The following RLF variants were observed in gnomAD, a reference collection of about 807,000 sequenced individuals.
The protein encoded by RLF is zinc finger protein Rlf.
RLF carries 7 observed loss-of-function variants against 162.9 expected under a neutral mutation model. The observed-to-expected ratio is 0.04, with a 90% CI of 0.02 to 0.08. The LOEUF is 0.08. Among genes scored for constraint, RLF ranks in the 10% least tolerant of loss-of-function variants. The pLI is 1.00. For missense variants in RLF, 1,664 were observed against 2,244.7 expected (o/e 0.74, Z 5.23); for synonymous variants, 782 against 791.5 (o/e 0.99, Z 0.20).
chr1:40,177,689 T>C (rs2124528670), intron 1 of RLF, among the ~76,000 whole-genome samples: 1 of 152,290 alleles, frequency 6.6e-6, no homozygotes, highest in Middle Eastern at 3.4e-3. Flanking sequence ...CACAGAGATG[T>C]TCTGCTATTT....
intron 5 of RLF, among the ~76,000 whole-genome samples, chr1:40,219,031 A>C (rs1044906769): frequency 2.0e-5 from 3 of 152,188 alleles, no homozygotes; most frequent in African/African-American, 7.2e-5. Flanking sequence ...AAAACTCTCA[A>C]AAGTTTGTTG....
chr1:40,198,583 G>A (rs1402114366), intron 4 of RLF, among the ~76,000 whole-genome samples: 2 of 152,196 alleles, frequency 1.3e-5, no homozygotes, highest in Non-Finnish European at 2.9e-5. Flanking sequence ...TTACAGGCGT[G>A]CACCACTGTG....
chr1:40,164,022 G>A (rs61502285), intron 1 of RLF, among the ~76,000 whole-genome samples: 9,084 of 152,216 alleles, frequency 0.06, 349 homozygotes, highest in South Asian at 0.12. Flanking sequence ...TTGAAAAGAA[G>A]AATAAGATAT....
chr1:40,237,973 A>G lies in RLF; in HGVS notation c.3271A>G (p.Ser1091Gly). The G allele has an allele frequency of 6.2e-7, 1 of 1,614,140 alleles. No individual in the cohort carries two copies. The highest frequency in any genetic ancestry group is 8.5e-7 in the Non-Finnish European group (1 of 1,180,004). Reference sequence around the variant, plus strand: ...AGGGTCATTGCAGGGGTACCCATCCAGTGGTGCTAAGTCTCTTCAGTCAGT... The same window carrying G: ...AGGGTCATTGCAGGGGTACCCATCCGGTGGTGCTAAGTCTCTTCAGTCAGT... ...FSGSLQGYPS[S>G]GAKSLQSVSS... Residue 1091 changes from serine to glycine, a missense_variant, in exon 8 of 8, where the codon AGT becomes GGT. Transcript: ENST00000372771. This position sits in a 1 kb window ranked among gnomAD's most constrained non-coding sequence, Gnocchi z 4.4.
chr1:40,210,209 G>C (rs1322989931), intron 5 of RLF, among the ~76,000 whole-genome samples: 1 of 152,308 alleles, frequency 6.6e-6, no homozygotes, highest in East Asian at 1.9e-4. Flanking sequence ...GGCAAATACA[G>C]CAAACTGTAT....
chr1:40,222,742 G>T lies in RLF; in HGVS notation c.947+32G>T, dbSNP rs767021882. The T allele has an allele frequency of 1.9e-6, 3 of 1,579,750 alleles. No homozygotes were observed. The African/African-American group carries it at 4.0e-5, about 21-fold the overall frequency. On this transcript the variant is annotated intron_variant, in intron 6 of 7. Coordinates refer to ENST00000372771, the MANE Select transcript of RLF (RefSeq NM_012421.4). ...ATATTTAGTTTTACACTCTTTATTT[G>T]TTAGTACATAGTATAGCATTTAGGG...
chr1:40,176,853 G>C (rs965387165), intron 1 of RLF, among the ~76,000 whole-genome samples: 9 of 152,120 alleles, frequency 5.9e-5, no homozygotes, highest in Non-Finnish European at 8.8e-5. Flanking sequence ...TCTTATTGTT[G>C]AATTTTGAGA....
chr1:40,166,560 T>G (rs1306587503), intron 1 of RLF, among the ~76,000 whole-genome samples: 1 of 151,952 alleles, frequency 6.6e-6, no homozygotes, highest in Non-Finnish European at 1.5e-5. Context: ...CACACGTATG[T>G]TTATTGCAGC....
intron 4 of RLF, among the ~76,000 whole-genome samples, chr1:40,200,937 C>CACA (rs1642706735): frequency 9.0e-6 from 1 of 111,446 alleles, no homozygotes; most frequent in African/African-American, 3.9e-5. Flanking sequence ...CACACACACA[C>CACA]ACTGGTTTAT....
chr1:40,172,707 A>G (rs1297398758), intron 1 of RLF, among the ~76,000 whole-genome samples: 2 of 152,202 alleles, frequency 1.3e-5, no homozygotes, highest in Non-Finnish European at 2.9e-5. Context: ...CAGAGGTTAC[A>G]GTGAGCTGAG....
chr1:40,228,632 A>G (rs371420965), intron 6 of RLF, among the ~76,000 whole-genome samples: 2 of 151,880 alleles, frequency 1.3e-5, no homozygotes, highest in South Asian at 2.1e-4. Context: ...CCTGCCTTTT[A>G]CCACTTTAAT....
intron 5 of RLF, among the ~76,000 whole-genome samples, chr1:40,205,377 T>G (rs961618516): frequency 6.6e-6 from 1 of 152,048 alleles, no homozygotes; most frequent in African/African-American, 2.4e-5. Context: ...ATAACGCTGC[T>G]TTAGATCCTG....
chr1:40,165,972 A>C (rs1271532858), intron 1 of RLF, among the ~76,000 whole-genome samples: 2 of 151,854 alleles, frequency 1.3e-5, no homozygotes, highest in African/African-American at 4.8e-5. Context: ...CCATCTACCT[A>C]TTTATCCTTT....
In RLF at chr1:40,161,558, G is replaced by A. The variant is rs1331077392; in HGVS notation, c.159G>A (p.Leu53=). Residue 53 remains leucine (L), a synonymous_variant, in exon 1 of 8, where the codon CTG becomes CTA. Transcript: ENST00000372771. The surrounding 1 kb of genome is among the most constrained non-coding windows in gnomAD (Gnocchi z 4.4). ...APGASGLRPC[L]WQLETELREQ... ...GAGCCTCGGGACTGCGGCCGTGTCT[G>A]TGGCAGCTGGAGACAGAGCTGAGGG... 3.7e-6 allele frequency: 6 copies of A among 1,610,528 alleles called. No homozygotes were observed. The highest frequency in any genetic ancestry group is 5.1e-6 in the Non-Finnish European group (6 of 1,178,520).
intron 7 of RLF, among the ~76,000 whole-genome samples, chr1:40,234,059 A>T (rs1451109821): frequency 1.3e-5 from 2 of 152,128 alleles, no homozygotes; most frequent in Admixed American, 6.5e-5. Context: ...AGGGATTCTG[A>T]TGCCTCAGCC....
chr1:40,227,478 G>C lies in RLF; in HGVS notation c.948-4039G>C, dbSNP rs558568654. The stretch of plus-strand genomic sequence containing the variant: ...GTACAGATTTGAATGGATGATTGAA[G>C]TGACATCTTGCATCCTCATGAGTAA... On this transcript the variant is annotated intron_variant, in intron 6 of 7. Transcript: ENST00000372771. Among the ~76,000 whole-genome samples the C allele has an allele frequency of 1.6e-4, 24 of 152,300 alleles. 1 individual carries two copies. In the South Asian group the frequency reaches 5.0e-3, roughly 32 times the overall value.
chr1:40,163,866 C>T lies in RLF; in HGVS notation c.237+2230C>T, dbSNP rs925160197. 6.6e-5 allele frequency among the ~76,000 whole-genome samples: 10 copies of T among 152,264 alleles called. No homozygotes were observed. In the East Asian group the frequency reaches 1.9e-3, roughly 29 times the overall value. On this transcript the variant is annotated intron_variant, in intron 1 of 7. Transcript: ENST00000372771. ...GTGTACAAGTCTTCACAAAATTTAT[C>T]ATATTTTTGACACATTTTCCCCTGT...
intron 1 of RLF, among the ~76,000 whole-genome samples, chr1:40,180,433 AT>A (rs1423821192): frequency 6.6e-6 from 1 of 151,398 alleles, no homozygotes; most frequent in Admixed American, 6.6e-5. Flanking sequence ...TAATTTTTGT[AT>A]TTTTTTCAGT....
intron 3 of RLF, 57 bp downstream of exon 3, chr1:40,190,910 TC>T (rs369134069): frequency 2.9e-6 from 3 of 1,049,068 alleles, no homozygotes; most frequent in African/African-American, 1.6e-5. Flanking sequence ...AATTAATTAC[TC>T]CCAGCAAACT....
Sources: gnomAD v4.1 joint callset for allele counts (sites outside exome capture counted in the v4.1 genomes callset) on GRCh38, gnomAD v4.1.1 for gene constraint, Gnocchi (gnomAD v3.1) non-coding constraint, MANE v1.5 for transcripts, NCBI Gene and HGNC (gene_info 2026-07-23, HGNC 2026-07-21) for gene names.